Variants in HMGXB3 observed in about 807,000 individuals in gnomAD.
The protein encoded by HMGXB3 is HMG domain-containing protein 3.
In HMGXB3, 45 loss-of-function variants were observed where a neutral mutation model predicts 121.5. The observed-to-expected ratio is 0.37, with a 90% confidence interval of 0.29 to 0.47. The LOEUF (loss-of-function observed/expected upper bound fraction) is 0.47. Among genes scored for constraint, HMGXB3 ranks in the 20% least tolerant of loss-of-function variants. The probability of loss-of-function intolerance (pLI) is 0.99; values close to 1 mark genes in which losing one functional copy is unlikely to be tolerated. For synonymous variants in HMGXB3, 590 were observed against 624.1 expected, an observed-to-expected ratio of 0.95 and a Z score of 0.81; for missense variants, 1,376 against 1,602.2, an observed-to-expected ratio of 0.86 and a Z score of 2.41.
rs1322104974 is a variant in HMGXB3, at chr5:150,000,977, G to GGCGGGGCC, written c.-195_-188dup. 3 of 154,720 alleles carry GGCGGGGCC rather than the reference G, an allele frequency of 1.9e-5. No homozygotes were observed. The South Asian group carries it at 6.1e-4, about 31-fold the overall frequency. The allele number at this position is 154,720 out of a possible 1,614,324, so 9.6% of individuals were successfully genotyped here. On this transcript the variant is annotated 5_prime_UTR_variant, in exon 1 of 20. Transcript: ENST00000502717. ...CGCGACTCCGCGCCGTGTGTCGCCG[G>GGCGGGGCC]GCGGGGCCGCGGGGCCGGGGCTCCT...
intron 13 of HMGXB3, 73 bp downstream of exon 13, chr5:150,037,600 C>G: frequency 7.6e-7 from 1 of 1,317,186 alleles, no homozygotes; most frequent in Non-Finnish European, 9.9e-7. Flanking sequence ...GATGAGACCT[C>G]TGGCCCTTTG....
Position 150,006,538 on chromosome 5 carries a change from C to T in HMGXB3, c.203C>T (p.Pro68Leu), listed in dbSNP as rs1201924853. ...LKVQQELPHLPQSEINKKISE... is the reference protein window; with the variant it reads ...LKVQQELPHLLQSEINKKISE... Reference sequence around the variant, plus strand: ...GTGCAGCAGGAGCTCCCCCACCTCCCTCAGTCTGAGATCAATAAGAAGATT... The same window carrying T: ...GTGCAGCAGGAGCTCCCCCACCTCCTTCAGTCTGAGATCAATAAGAAGATT... The change falls in exon 3 of 20, where the codon CCT becomes CTT. Residue 68 changes from proline (P) to leucine (L), a missense_variant. Pro to Leu is a moderately conservative substitution (Grantham distance 98, BLOSUM62 -3). Coordinates refer to ENST00000502717, the MANE Select transcript of HMGXB3 (RefSeq NM_014983.3). The T allele has an allele frequency of 6.4e-7, 1 of 1,552,050 alleles. No individual in the cohort carries two copies. The highest frequency in any genetic ancestry group is 1.2e-5 in the South Asian group (1 of 84,050).
At position 150,051,644 on chromosome 5, in the gene HMGXB3, A is replaced by G. The variant is rs1325298902; in HGVS notation, c.3412-81A>G. 5 of 1,132,926 alleles carry G rather than the reference A, an allele frequency of 4.4e-6. No homozygotes were observed. In the Admixed American group the frequency reaches 1.0e-4, roughly 23 times the overall value. 70.2% of individuals were successfully genotyped at this position (1,132,926 alleles called of 1,614,324 possible). A position where few individuals can be genotyped will look rare whatever the true frequency, so the allele number is the denominator to read the frequency against. ...GTTAGGATTCAAAGAGGGCTGGCTG[A>G]GCCTAGAGTGTTCTCGTCACCAGAT... On this transcript the variant is annotated intron_variant, in intron 19 of 19. Transcript: ENST00000502717.
At chr5:150,046,650 A>G (rs1459292767) in intron 16 of HMGXB3, among the ~76,000 whole-genome samples, 2 of 151,950 alleles carry the variant, frequency 1.3e-5, no homozygotes, top group Admixed American at 1.3e-4. Context: ...ATCTCTACTA[A>G]AAACACAAAA....
intron 7 of HMGXB3, among the ~76,000 whole-genome samples, chr5:150,026,167 T>G (rs1386679321): frequency 6.6e-6 from 1 of 152,116 alleles, no homozygotes; most frequent in East Asian, 1.9e-4. Flanking sequence ...TGTAGCAATA[T>G]ACTTTGGCGA....
At chr5:150,025,538 C>T (rs1170029275) in intron 7 of HMGXB3, among the ~76,000 whole-genome samples, 1 of 151,868 alleles carries the variant, frequency 6.6e-6, no homozygotes, top group Non-Finnish European at 1.5e-5. Flanking sequence ...GCACAACATA[C>T]ATACTTCTAC....
intron 19 of HMGXB3, 149 bp from the exon 20 acceptor site, chr5:150,051,575 AC>A: frequency 1.6e-6 from 1 of 622,740 alleles, no homozygotes; most frequent in Non-Finnish European, 2.8e-6. Context: ...AAATGGAGGC[AC>A]TGGCGGGCAG....
chr5:150,042,127 G>C (rs1269119561), intron 15 of HMGXB3, among the ~76,000 whole-genome samples, 158 bp downstream of exon 15: 1 of 152,224 alleles, frequency 6.6e-6, no homozygotes, highest in Non-Finnish European at 1.5e-5. Flanking sequence ...TTTAGGGAAT[G>C]CCAGATGGAA....
intron 15 of HMGXB3, among the ~76,000 whole-genome samples, chr5:150,042,216 T>C (rs1307539683): frequency 6.6e-6 from 1 of 152,188 alleles, no homozygotes; most frequent in East Asian, 1.9e-4. Flanking sequence ...ATATATATAG[T>C]AAATATATTG....
intron 6 of HMGXB3, among the ~76,000 whole-genome samples, chr5:150,020,874 G>A (rs560005315): frequency 6.6e-6 from 1 of 151,890 alleles, no homozygotes; most frequent in Admixed American, 6.6e-5. Flanking sequence ...CGAGTAGCTG[G>A]GATTACAGGC....
intron 16 of HMGXB3, among the ~76,000 whole-genome samples, chr5:150,047,144 T>C (rs536132094): frequency 2.9e-4 from 44 of 152,216 alleles, no homozygotes; most frequent in Admixed American, 2.2e-3. Flanking sequence ...TCCACCTGCC[T>C]CGGCCTCCTA....
intron 5 of HMGXB3, 94 bp from the exon 6 acceptor site, chr5:150,018,470 CCA>C: frequency 9.6e-7 from 1 of 1,045,844 alleles, no homozygotes; most frequent in East Asian, 3.1e-5. Flanking sequence ...GGTTATCTTT[CCA>C]CAAGCTTGTG....
intron 16 of HMGXB3, among the ~76,000 whole-genome samples, chr5:150,046,178 T>G (rs1379253962): frequency 1.3e-5 from 2 of 152,162 alleles, no homozygotes; most frequent in African/African-American, 4.8e-5. Context: ...CTCTGTCAGG[T>G]CCCATCATTG....
At chr5:150,049,415 C>G (rs186663255) in intron 18 of HMGXB3, among the ~76,000 whole-genome samples, 1 of 151,814 alleles carries the variant, frequency 6.6e-6, no homozygotes, top group East Asian at 1.9e-4. Context: ...CGGAAACCCC[C>G]CCCCTTAACA....
chr5:150,009,758 G>T (rs1037722050), intron 3 of HMGXB3, among the ~76,000 whole-genome samples: 1 of 152,196 alleles, frequency 6.6e-6, no homozygotes, highest in African/African-American at 2.4e-5. Flanking sequence ...TACAGATGGG[G>T]CAGCTGAGGC....
intron 15 of HMGXB3, among the ~76,000 whole-genome samples, chr5:150,044,296 C>T (rs1182073417): frequency 2.0e-5 from 3 of 152,018 alleles, no homozygotes; most frequent in Non-Finnish European, 2.9e-5. Context: ...AAAGGAGGAC[C>T]CTGTGGTTAG....
At chr5:150,021,246 T>A (rs1017869533) in intron 6 of HMGXB3, among the ~76,000 whole-genome samples, 3 of 152,258 alleles carry the variant, frequency 2.0e-5, no homozygotes, top group Non-Finnish European at 4.4e-5. Context: ...CATTTTACCA[T>A]CAGTGCACTT....
chr5:150,021,433 T>A (rs1193797989), intron 6 of HMGXB3: 3 of 196,932 alleles, frequency 1.5e-5, no homozygotes, highest in Non-Finnish European at 3.1e-5. Context: ...AGCTGCAGAA[T>A]GTAAGACAAG....
intron 6 of HMGXB3, among the ~76,000 whole-genome samples, chr5:150,023,063 A>G (rs188869381): frequency 7.5e-6 from 1 of 132,534 alleles, no homozygotes; most frequent in Non-Finnish European, 1.5e-5. Flanking sequence ...TCCTGGGCTT[A>G]GGTGAGCCTC....
Sources: allele counts gnomAD v4.1 joint callset (sites outside exome capture counted in the v4.1 genomes callset), GRCh38; gene constraint gnomAD v4.1.1; transcripts MANE v1.5; gene names NCBI Gene and HGNC (gene_info 2026-07-23, HGNC 2026-07-21).